TUBGCP3: variants seen among roughly 807,000 people sequenced by gnomAD.
TUBGCP3 encodes tubulin gamma complex component 3.
In TUBGCP3, 50 loss-of-function variants were observed where a neutral mutation model predicts 123.1. That is an observed-to-expected ratio of 0.41 (90% CI 0.32 to 0.51). The LOEUF is 0.51. TUBGCP3 is among the 20% of genes least tolerant of loss of function. The pLI is 0.36. For synonymous variants in TUBGCP3, 405 were observed against 413.9 expected, an observed-to-expected ratio of 0.98 and a Z score of 0.26; for missense variants, 882 against 1,127.0, an observed-to-expected ratio of 0.78 and a Z score of 3.11.
chr13:112,599,695 T>A, the TUBGCP3 span, among the ~76,000 whole-genome samples: 24 of 152,018 alleles, frequency 1.6e-4, no homozygotes, highest in African/African-American at 5.1e-4. Flanking sequence ...TTTTATTTTT[T>A]TTTTTAGTAG....
intron 5 of TUBGCP3, among the ~76,000 whole-genome samples, chr13:112,557,313 G>T (rs1226817449): frequency 6.6e-6 from 1 of 152,108 alleles, no homozygotes; most frequent in Non-Finnish European, 1.5e-5. Flanking sequence ...TTTCTTCATA[G>T]AACACTAGAC....
At chr13:112,578,663 C>T (rs920287909) in intron 1 of TUBGCP3, among the ~76,000 whole-genome samples, 1 of 150,518 alleles carries the variant, frequency 6.6e-6, no homozygotes, top group Admixed American at 6.6e-5. Flanking sequence ...CTTAATGCAA[C>T]GCGACCTTTC....
intron 8 of TUBGCP3, among the ~76,000 whole-genome samples, chr13:112,549,765 G>A (rs1007158636): frequency 3.3e-5 from 5 of 151,728 alleles, no homozygotes; most frequent in Admixed American, 2.0e-4. Flanking sequence ...CAAGGCGGGC[G>A]GATCACGAGG....
chr13:112,561,249 G>A (rs1170925380), intron 3 of TUBGCP3, among the ~76,000 whole-genome samples: 2 of 152,338 alleles, frequency 1.3e-5, no homozygotes, highest in East Asian at 3.9e-4. Flanking sequence ...TGTGTCCCCG[G>A]TGAGTCCCTG....
chr13:112,486,054 G>A lies in TUBGCP3; in HGVS notation c.2663C>T (p.Ala888Val). 1 of 1,609,832 alleles carries A rather than the reference G, an allele frequency of 6.2e-7. No homozygotes were observed. Among genetic ancestry groups the A allele is most frequent in the Middle Eastern group, 1.7e-4 (1 of 6,048 alleles). ...FRLDFNEHYK[A>V]REPRLRVSLG... ...AGACACACGGAGCCTGGGCTCCCTGGCTTTGTAATGCTCGTTGAAGTCCAG... is the reference window on the plus strand; with the variant it reads ...AGACACACGGAGCCTGGGCTCCCTGACTTTGTAATGCTCGTTGAAGTCCAG... The change falls in exon 22 of 22, where the codon GCC becomes GTC. Residue 888 changes from alanine to valine, a missense_variant. By Grantham distance (64) the Ala-to-Val change is moderately conservative (BLOSUM62 0). Coordinates refer to ENST00000261965, the MANE Select transcript of TUBGCP3 (RefSeq NM_006322.6).
intron 11 of TUBGCP3, among the ~76,000 whole-genome samples, chr13:112,536,976 A>G (rs1363463389): frequency 6.6e-6 from 1 of 151,860 alleles, no homozygotes; most frequent in African/African-American, 2.4e-5. Flanking sequence ...AGGTCTTGCT[A>G]TGTTGCCCAG....
intron 1 of TUBGCP3, 64 bp downstream of exon 1, chr13:112,587,841 C>G: frequency 6.9e-7 from 1 of 1,447,012 alleles, no homozygotes; most frequent in Non-Finnish European, 9.4e-7. Context: ...CGTATTAGGG[C>G]TGCACGCGCA....
intron 13 of TUBGCP3, among the ~76,000 whole-genome samples, chr13:112,523,278 C>T (rs1566550022): frequency 6.6e-6 from 1 of 152,206 alleles, no homozygotes; most frequent in Admixed American, 6.5e-5. Context: ...GAAGACTAAG[C>T]AAGGACAAGA....
chr13:112,534,528 C>T (rs995983436), intron 11 of TUBGCP3, among the ~76,000 whole-genome samples: 2 of 152,112 alleles, frequency 1.3e-5, no homozygotes, highest in Non-Finnish European at 2.9e-5. Context: ...GCCTGGGCGA[C>T]AGAGGGAAAC....
Position 112,508,864 on chromosome 13 carries a change from C to T in TUBGCP3, c.2087-4150G>A, listed in dbSNP as rs939019772. Reference sequence around the variant, plus strand: ...CACGCATCACCTGGTCCTGCTGGCGCCACAGCCCAAGCCTCCCTCAAATCC... The same window carrying T: ...CACGCATCACCTGGTCCTGCTGGCGTCACAGCCCAAGCCTCCCTCAAATCC... On this transcript the variant is annotated intron_variant, in intron 17 of 21. Coordinates refer to ENST00000261965, the MANE Select transcript of TUBGCP3 (RefSeq NM_006322.6). The surrounding 1 kb of genome is among the most constrained non-coding windows in gnomAD (Gnocchi z 4.2). 2.0e-5 allele frequency among the ~76,000 whole-genome samples: 3 copies of T among 152,102 alleles called. No individual in the cohort carries two copies. The highest frequency in any genetic ancestry group is 7.2e-5 in the African/African-American group (3 of 41,406).
upstream of TUBGCP3, among the ~76,000 whole-genome samples, chr13:112,590,362 G>A (rs773038221): frequency 1.9e-4 from 29 of 152,176 alleles, no homozygotes; most frequent in Non-Finnish European, 3.2e-4. Flanking sequence ...CAATGTTGTC[G>A]GAAACCTTCT....
At chr13:112,603,826 G>T in the TUBGCP3 span, 1 of 152,298 alleles carries the variant, frequency 6.6e-6, no homozygotes, top group African/African-American at 2.4e-5. Context: ...TACACAGAGT[G>T]AAAGGAAAGC....
intron 1 of TUBGCP3, among the ~76,000 whole-genome samples, chr13:112,576,777 A>T (rs549835569): frequency 5.7e-4 from 87 of 152,328 alleles, no homozygotes; most frequent in African/African-American, 2.1e-3. Flanking sequence ...TTAGAGGAAA[A>T]TTTATAGCAT....
At chr13:112,544,377 T>C (rs1016286130) in intron 11 of TUBGCP3, among the ~76,000 whole-genome samples, 5 of 137,742 alleles carry the variant, frequency 3.6e-5, no homozygotes, top group South Asian at 2.2e-4. Flanking sequence ...GGCGTGAACA[T>C]GGGAGGCAGA....
intron 21 of TUBGCP3, among the ~76,000 whole-genome samples, chr13:112,489,025 C>G (rs1879883547): frequency 7.3e-6 from 1 of 137,914 alleles, no homozygotes. Flanking sequence ...CAGGGGCCAC[C>G]CCCAGGTCCC....
chr13:112,560,212 C>T (rs1195732940), intron 3 of TUBGCP3, among the ~76,000 whole-genome samples: 7 of 151,072 alleles, frequency 4.6e-5, no homozygotes, highest in East Asian at 2.0e-4. Context: ...GGGCGGATCA[C>T]GAGGTCAGGA....
intron 17 of TUBGCP3, among the ~76,000 whole-genome samples, chr13:112,514,617 A>C (rs1297688169): frequency 1.3e-5 from 2 of 152,244 alleles, no homozygotes; most frequent in African/African-American, 4.8e-5. Flanking sequence ...ATGTTAACAA[A>C]AACAGTGATA....
intron 21 of TUBGCP3, among the ~76,000 whole-genome samples, chr13:112,489,136 T>G (rs60865184): frequency 4.9e-3 from 227 of 46,074 alleles, no homozygotes; most frequent in Admixed American, 7.7e-3. Flanking sequence ...CCCACCACAG[T>G]GGAGCACAGG....
At chr13:112,499,706 C>G (rs1027915219) in intron 19 of TUBGCP3, among the ~76,000 whole-genome samples, 3 of 151,720 alleles carry the variant, frequency 2.0e-5, no homozygotes, top group African/African-American at 2.4e-5. Context: ...TAGTTTATAC[C>G]AGAAATAAAA....
Sources: gnomAD v4.1 joint callset for allele counts (sites outside exome capture counted in the v4.1 genomes callset) on GRCh38, gnomAD v4.1.1 for gene constraint, Gnocchi (gnomAD v3.1) non-coding constraint, MANE v1.5 for transcripts, NCBI Gene and HGNC (gene_info 2026-07-23, HGNC 2026-07-21) for gene names.